Variants in MGME1 observed in about 807,000 individuals in gnomAD.
MGME1 encodes mitochondrial genome maintenance exonuclease 1, also known as chromosome 20 open reading frame 72.
Under a neutral mutation model 33.0 loss-of-function variants are expected in MGME1, and 22 were observed. The ratio of observed to expected loss-of-function variants is 0.67; its 90% CI spans 0.48 to 0.95. The LOEUF is 0.95. Ranked by LOEUF, MGME1 falls within the 40% of genes least tolerant of loss-of-function variation. The pLI, the probability that MGME1 is intolerant of heterozygous loss-of-function variation, is 0.00. For missense variants in MGME1, 383 were observed against 397.8 expected, an observed-to-expected ratio of 0.96 and a Z score of 0.32; for synonymous variants, 133 against 144.0, an observed-to-expected ratio of 0.92 and a Z score of 0.55.
chr20:17,988,652 CA>C (rs1239119788), intron 4 of MGME1, among the ~76,000 whole-genome samples: 111 of 66,158 alleles, frequency 1.7e-3, no homozygotes, highest in Middle Eastern at 8.1e-3. Flanking sequence ...GAATCTGTCT[CA>C]AAAAAAAAAA....
chr20:17,973,618 G>T (rs2035783651), intron 2 of MGME1, among the ~76,000 whole-genome samples: 1 of 149,356 alleles, frequency 6.7e-6, no homozygotes, highest in South Asian at 2.1e-4. Context: ...CTCCATCCTG[G>T]GTGACAAGTA....
intron 3 of MGME1, among the ~76,000 whole-genome samples, chr20:17,978,515 A>G (rs1444830759): frequency 2.6e-5 from 4 of 151,688 alleles, no homozygotes; most frequent in Admixed American, 2.0e-4. Context: ...TAGACCACCT[A>G]ATGGTTTTAT....
intron 3 of MGME1, among the ~76,000 whole-genome samples, chr20:17,978,049 C>T (rs1271454153): frequency 6.6e-6 from 1 of 152,170 alleles, no homozygotes; most frequent in African/African-American, 2.4e-5. Context: ...TTTCTTAAAA[C>T]ATTATGAGAT....
chr20:17,980,344 G>T (rs774248094), intron 3 of MGME1, among the ~76,000 whole-genome samples: 2 of 151,692 alleles, frequency 1.3e-5, no homozygotes, highest in Admixed American at 1.3e-4. Context: ...TTTTTAATGG[G>T]TAATATGCTA....
chr20:17,973,879 G>GC (rs1327141779), intron 2 of MGME1, among the ~76,000 whole-genome samples: 6 of 152,244 alleles, frequency 3.9e-5, no homozygotes, highest in African/African-American at 7.2e-5. Flanking sequence ...GTGGGATAGG[G>GC]CCTCATTCAT....
chr20:17,988,978 A>G (rs540881476), intron 4 of MGME1, among the ~76,000 whole-genome samples: 3 of 152,248 alleles, frequency 2.0e-5, no homozygotes, highest in East Asian at 1.9e-4. Context: ...TGTGCCAGCT[A>G]CTTGGGAGGC....
intron 3 of MGME1, among the ~76,000 whole-genome samples, chr20:17,984,435 C>T (rs1402115462): frequency 6.6e-6 from 1 of 152,082 alleles, no homozygotes; most frequent in South Asian, 2.1e-4. Context: ...TGTTATAGTG[C>T]AACATACTAC....
Position 17,990,330 on chromosome 20 carries a change from G to C in MGME1, c.*221G>C. 2.1e-6 allele frequency: 1 copy of C among 465,734 alleles called. No homozygotes were observed. The highest frequency in any genetic ancestry group is 3.9e-6 in the Non-Finnish European group (1 of 255,590). The allele number at this position is 465,734 out of a possible 1,614,324, so 28.9% of individuals were successfully genotyped here. ...CTTCGGCACGCGAAATCCCAGCTAT[G>C]CTACCTCTTATTTACCTGAAAGGAG... is the stretch of plus-strand genomic sequence containing the variant. On this transcript the variant is annotated 3_prime_UTR_variant, in exon 5 of 5. Coordinates refer to ENST00000377710, the MANE Select transcript of MGME1 (RefSeq NM_052865.4).
chr20:17,979,237 C>T (rs971188324), intron 3 of MGME1, among the ~76,000 whole-genome samples: 8 of 151,758 alleles, frequency 5.3e-5, no homozygotes, highest in African/African-American at 1.9e-4. Context: ...CAACCACGCC[C>T]AGCTAATTTT....
intron 2 of MGME1, 130 bp from the exon 3 acceptor site, chr20:17,975,554 C>CAA (rs894514527): frequency 8.3e-4 from 468 of 565,474 alleles, no homozygotes; most frequent in Middle Eastern, 1.8e-3. Flanking sequence ...AGACTCCATC[C>CAA]AAAAAAAAAA....
chr20:17,968,958 C>G (rs1285470036), upstream of MGME1: 2 of 154,838 alleles, frequency 1.3e-5, no homozygotes, highest in East Asian at 3.8e-4. Context: ...CTGCCTCTAA[C>G]TGGTGGCGCG....
At position 17,981,067 on chromosome 20, in the gene MGME1, G is replaced by A. The variant is rs371578573; in HGVS notation, c.731+5164G>A. Among the ~76,000 whole-genome samples, 7 of 152,018 alleles carry A rather than the reference G, an allele frequency of 4.6e-5. No individual in the cohort carries two copies. In the East Asian group the frequency reaches 1.2e-3, roughly 25 times the overall value. On this transcript the variant is annotated intron_variant, in intron 3 of 4. Coordinates refer to ENST00000377710, the MANE Select transcript of MGME1 (RefSeq NM_052865.4). ...GTTTGGCACTACCTCCTTCTAGTCT[G>A]CCTTCTACGCTCTTTTTTGTTCTTT...
intron 2 of MGME1, among the ~76,000 whole-genome samples, chr20:17,973,238 G>A (rs1231957030): frequency 2.0e-5 from 3 of 152,074 alleles, no homozygotes; most frequent in African/African-American, 7.2e-5. Context: ...CAGCTACTAC[G>A]GAGGCTGAGG....
intron 3 of MGME1, among the ~76,000 whole-genome samples, chr20:17,985,106 T>C (rs2036124312): frequency 6.7e-6 from 1 of 148,306 alleles, no homozygotes; most frequent in African/African-American, 2.5e-5. Flanking sequence ...TGTTTTAAGA[T>C]AAGTATTATT....
In MGME1 at chr20:17,990,439, G is replaced by T; in HGVS notation, c.*330G>T. The stretch of plus-strand genomic sequence containing the variant: ...GGGGGGGGGGCGTGGTCCCAGGCAG[G>T]ATGCCCAGTCTTTGAGCTGAGATTG... On this transcript the variant is annotated 3_prime_UTR_variant, in exon 5 of 5. Transcript: ENST00000377710. The T allele has an allele frequency of 2.5e-6, 1 of 406,194 alleles. No individual in the cohort carries two copies. Among genetic ancestry groups the T allele is most frequent in the Admixed American group, 4.2e-5 (1 of 23,602 alleles). 25.2% of individuals were successfully genotyped at this position (406,194 alleles called of 1,614,324 possible).
In MGME1 at chr20:17,974,883, G is replaced by A. The variant is rs561192184; in HGVS notation, c.512-801G>A. ...ATCAAATTCATAACTTTTCATTTGC[G>A]CATGCCTTATTTTCCATTCCTTGTT... On this transcript the variant is annotated intron_variant, in intron 2 of 4. Transcript: ENST00000377710. 1.2e-4 allele frequency among the ~76,000 whole-genome samples: 18 copies of A among 151,692 alleles called. No individual in the cohort carries two copies. In the South Asian group the frequency reaches 1.3e-3, roughly 11 times the overall value.
intron 3 of MGME1, among the ~76,000 whole-genome samples, chr20:17,983,301 G>GTGTGTA (rs1186083990): frequency 4.0e-5 from 6 of 151,442 alleles, no homozygotes; most frequent in Non-Finnish European, 7.4e-5. Flanking sequence ...GTGTGTGTGT[G>GTGTGTA]TATCCACATT....
In MGME1 at chr20:17,969,914, T is replaced by C; in HGVS notation, c.55T>C (p.Ser19Pro). Residue 19 changes from serine to proline, a missense_variant, in exon 2 of 5, where the codon TCT (serine) becomes CCT (proline). Coordinates refer to ENST00000377710, the MANE Select transcript of MGME1 (RefSeq NM_052865.4). ...CAGGCAGCTCAGGAGTTCAAAGTTT[T>C]CTGTGGAATCAGCTGCCCTTGTGGC... ...ICRQLRSSKF[S>P]VESAALVAFS... 6.2e-7 allele frequency: 1 copy of C among 1,613,694 alleles called. No homozygotes were observed. Among genetic ancestry groups the C allele is most frequent in the Non-Finnish European group, 8.5e-7 (1 of 1,179,870 alleles).
intron 2 of MGME1, chr20:17,972,878 T>C (rs776358307): frequency 1.4e-4 from 88 of 645,548 alleles, no homozygotes; most frequent in Non-Finnish European, 1.6e-4. Flanking sequence ...ATACACTTCT[T>C]TTTCCTAGGC....
Sources: allele counts gnomAD v4.1 joint callset (sites outside exome capture counted in the v4.1 genomes callset), GRCh38; gene constraint gnomAD v4.1.1; transcripts MANE v1.5; gene names NCBI Gene and HGNC (gene_info 2026-07-23, HGNC 2026-07-21).